The following DMD variants were observed in gnomAD, a reference collection of about 807,000 sequenced individuals.
The protein encoded by DMD is dystrophin.
A neutral mutation model predicts 330.1 loss-of-function variants in DMD; 63 were observed. The observed-to-expected ratio is 0.19, with a 90% confidence interval of 0.16 to 0.24. The LOEUF (loss-of-function observed/expected upper bound fraction) is 0.24. Ranked by LOEUF, DMD falls within the 10% of genes least tolerant of loss-of-function variation. The probability of loss-of-function intolerance (pLI) is 1.00; values close to 1 mark genes in which losing one functional copy is unlikely to be tolerated. For synonymous variants in DMD, 1,223 were observed against 959.8 expected (o/e 1.27, Z -5.07); for missense variants, 3,344 against 2,684.1 (o/e 1.25, Z -5.43).
At chrX:32,883,230 T>C (rs1004741289) in intron 2 of DMD, among the ~76,000 whole-genome samples, 9 of 112,040 alleles carry the variant, frequency 8.0e-5, no homozygotes, top group Non-Finnish European at 1.7e-4. Context: ...TTACATTTCA[T>C]ATACATGGTT....
chrX:32,585,987 G>A (rs950080228), intron 13 of DMD, among the ~76,000 whole-genome samples: 68 of 110,339 alleles, frequency 6.2e-4, no homozygotes, highest in Non-Finnish European at 2.1e-4. Context: ...GAAATCTAGC[G>A]TTAACTGTAT....
chrX:32,326,040 C>T (rs765635862), intron 41 of DMD, among the ~76,000 whole-genome samples: 118 of 111,758 alleles, frequency 1.1e-3, no homozygotes, highest in African/African-American at 3.7e-3. Context: ...TCAATTCTCC[C>T]CATGTATTTG....
intron 1 of DMD, among the ~76,000 whole-genome samples, chrX:33,029,571 A>G (rs1020293825): frequency 4.5e-5 from 5 of 112,123 alleles, no homozygotes; most frequent in African/African-American, 1.6e-4. Context: ...CTCATATTGA[A>G]TAAAAGTTCT....
At chrX:32,177,257 T>G (rs946705939) in intron 44 of DMD, among the ~76,000 whole-genome samples, 1 of 111,972 alleles carries the variant, frequency 8.9e-6, no homozygotes, top group Non-Finnish European at 1.9e-5. Context: ...AAGAAGTCTC[T>G]GAATCAAAGC....
At chrX:31,521,957 C>T (rs1353075095) in intron 55 of DMD, among the ~76,000 whole-genome samples, 1 of 111,169 alleles carries the variant, frequency 9.0e-6, no homozygotes, top group Non-Finnish European at 1.9e-5. Context: ...CTTAAAACTA[C>T]AAGATGTAAG....
intron 18 of DMD, among the ~76,000 whole-genome samples, chrX:32,513,745 A>G (rs2045574735): frequency 1.8e-5 from 2 of 111,952 alleles, no homozygotes; most frequent in South Asian, 3.8e-4. Context: ...GAGATGAGCT[A>G]AAGATACATA....
At chrX:32,464,353 G>C (rs915515040) in intron 24 of DMD, among the ~76,000 whole-genome samples, 2 of 110,432 alleles carry the variant, frequency 1.8e-5, no homozygotes, top group Non-Finnish European at 3.8e-5. Context: ...CTGGAGGAAT[G>C]TTCTATGGAC....
At chrX:33,082,511 A>G (rs1286615430) in intron 1 of DMD, among the ~76,000 whole-genome samples, 1 of 111,318 alleles carries the variant, frequency 9.0e-6, no homozygotes, top group Non-Finnish European at 1.9e-5. Flanking sequence ...CCAGAAGCCA[A>G]CAATTGAACC....
intron 50 of DMD, 70 bp downstream of exon 50, chrX:31,819,905 G>T: frequency 1.2e-6 from 1 of 866,537 alleles, no homozygotes; most frequent in Non-Finnish European, 1.7e-6. Context: ...CTCTCACCCA[G>T]TCATCACTTC....
chrX:32,799,122 A>C (rs1186856452), intron 7 of DMD, among the ~76,000 whole-genome samples: 2 of 111,592 alleles, frequency 1.8e-5, no homozygotes, highest in Non-Finnish European at 3.8e-5. Flanking sequence ...GTCTGAAAGC[A>C]TTCACTCCAG....
chrX:32,486,201 A>C lies in DMD; in HGVS notation c.2623-1102T>G, dbSNP rs183603191. The stretch of plus-strand genomic sequence containing the variant: ...TCACTAGCTCATGTGGCAACTGGGC[A>C]CCTGAAATGTGGCTGGTCCAAATTT... On this transcript the variant is annotated intron_variant, in intron 20 of 78. Coordinates refer to ENST00000357033, the MANE Select transcript of DMD (RefSeq NM_004006.3). Among the ~76,000 whole-genome samples, 543 of 111,415 alleles carry C rather than the reference A, an allele frequency of 4.9e-3. 6 individuals are homozygous for C. The highest frequency in any genetic ancestry group is 0.017 in the African/African-American group (523 of 30,682).
upstream of DMD, among the ~76,000 whole-genome samples, chrX:33,212,524 TTTTG>T (rs1460123443): frequency 1.9e-4 from 21 of 111,941 alleles, no homozygotes; most frequent in African/African-American, 2.9e-4. Context: ...CTACTAAAAT[TTTTG>T]TTTGAGTGTT....
chrX:32,640,455 G>A lies in DMD; in HGVS notation c.1331+3677C>T, dbSNP rs2059379057. On this transcript the variant is annotated intron_variant, in intron 11 of 78. Coordinates refer to ENST00000357033, the MANE Select transcript of DMD (RefSeq NM_004006.3). ...GATTTTATGTAAGGCAGAAATCAGG[G>A]CACGCTATTATCTTTGTATTTTTAA... is the stretch of plus-strand genomic sequence containing the variant. 5.5e-5 allele frequency among the ~76,000 whole-genome samples: 6 copies of A among 109,948 alleles called. No homozygotes were observed. The South Asian group carries it at 2.3e-3, about 43-fold the overall frequency.
At chrX:31,474,297 C>G (rs1294766574) in intron 59 of DMD, among the ~76,000 whole-genome samples, 1 of 111,444 alleles carries the variant, frequency 9.0e-6, no homozygotes, top group Non-Finnish European at 1.9e-5. Context: ...CACAGAAACA[C>G]ATATTACTTA....
intron 44 of DMD, chrX:32,206,250 G>T: frequency 1.9e-6 from 1 of 519,734 alleles, no homozygotes; most frequent in Non-Finnish European, 3.5e-6. Flanking sequence ...TGGGGAGGAA[G>T]ATACAGAGTC....
chrX:31,251,966 T>A (rs925498749), intron 63 of DMD, among the ~76,000 whole-genome samples: 1 of 112,526 alleles, frequency 8.9e-6, no homozygotes, highest in Non-Finnish European at 1.9e-5. Context: ...CAATTCTTTT[T>A]GAGTTTCCTT....
rs181885181 is a variant in DMD, at chrX:31,908,562, C to T, written c.6912+21034G>A. Among the ~76,000 whole-genome samples the T allele has an allele frequency of 5.1e-3, 489 of 95,816 alleles. 2 individuals are homozygous for T. Among genetic ancestry groups the T allele is most frequent in the African/African-American group, 0.017 (435 of 26,040 alleles). 83.2% of individuals were successfully genotyped at this position (95,816 alleles called of 115,157 possible). A position where few individuals can be genotyped will look rare whatever the true frequency, so the allele number is the denominator to read the frequency against. On this transcript the variant is annotated intron_variant, in intron 47 of 78. Coordinates refer to ENST00000357033, the MANE Select transcript of DMD (RefSeq NM_004006.3). ...CGCAGGCAACATCACACACTGGGGC[C>T]TGTCGTGGGGTGGGGGGCTGGGGAG...
chrX:31,147,623 T>C (rs1188710306), intron 74 of DMD, 105 bp from the exon 75 acceptor site: 14 of 579,327 alleles, frequency 2.4e-5, no homozygotes, highest in Admixed American at 1.3e-4. Context: ...CCATGGTAGA[T>C]AGATGCATCT....
At chrX:33,072,306 T>A (rs1444315414) in intron 1 of DMD, among the ~76,000 whole-genome samples, 2 of 111,504 alleles carry the variant, frequency 1.8e-5, no homozygotes, top group Non-Finnish European at 3.8e-5. Flanking sequence ...TAATCCTAGC[T>A]ACTCGGGAGG....
Sources: allele counts gnomAD v4.1 joint callset (sites outside exome capture counted in the v4.1 genomes callset), GRCh38; gene constraint gnomAD v4.1.1; transcripts MANE v1.5; gene names NCBI Gene and HGNC (gene_info 2026-07-23, HGNC 2026-07-21).